Variants in DNM3 observed in about 807,000 individuals in gnomAD.
The protein encoded by DNM3 is dynamin 3.
DNM3 carries 47 observed loss-of-function variants against 101.6 expected under a neutral mutation model. That is an observed-to-expected ratio of 0.46 (90% CI 0.37 to 0.59). The LOEUF (loss-of-function observed/expected upper bound fraction) is 0.59. Among genes scored for constraint, DNM3 ranks in the 20% least tolerant of loss-of-function variants. DNM3 has a pLI of 0.00. For synonymous variants in DNM3, 385 were observed against 387.9 expected, an observed-to-expected ratio of 0.99 and a Z score of 0.09; for missense variants, 849 against 1,085.7, an observed-to-expected ratio of 0.78 and a Z score of 3.06.
At chr1:172,222,190 GT>G (rs2060931999) in intron 14 of DNM3, among the ~76,000 whole-genome samples, 1 of 152,152 alleles carries the variant, frequency 6.6e-6, no homozygotes, top group Non-Finnish European at 1.5e-5. Context: ...AGTGAAACAG[GT>G]GAAAGAAACA....
At chr1:172,252,942 T>G (rs1349430165) in intron 14 of DNM3, among the ~76,000 whole-genome samples, 2 of 152,160 alleles carry the variant, frequency 1.3e-5, no homozygotes, top group Non-Finnish European at 2.9e-5. Flanking sequence ...GCTCAACAAT[T>G]TTATGGAATA....
chr1:172,312,935 C>T (rs1039165537), intron 16 of DNM3, among the ~76,000 whole-genome samples: 7 of 152,140 alleles, frequency 4.6e-5, no homozygotes, highest in Admixed American at 3.9e-4. Flanking sequence ...TTTGTCTGAG[C>T]AGTGGCATCT....
intron 15 of DNM3, among the ~76,000 whole-genome samples, chr1:172,274,064 A>G (rs1027200014): frequency 6.6e-6 from 1 of 152,010 alleles, no homozygotes; most frequent in African/African-American, 2.4e-5. Flanking sequence ...TCCCCTACAC[A>G]CTGTCGTAAA....
intron 14 of DNM3, among the ~76,000 whole-genome samples, chr1:172,203,825 C>G (rs928843708): frequency 6.6e-6 from 1 of 152,058 alleles, no homozygotes; most frequent in Non-Finnish European, 1.5e-5. Flanking sequence ...TGTATAAATT[C>G]TGATGTAAGT....
intron 4 of DNM3, among the ~76,000 whole-genome samples, chr1:172,022,983 A>G (rs2047949574): frequency 6.6e-6 from 1 of 151,916 alleles, no homozygotes; most frequent in African/African-American, 2.4e-5. Context: ...TTCTTCCATG[A>G]TATTGTCTTT....
chr1:172,403,969 T>C (rs547937256), intron 20 of DNM3, among the ~76,000 whole-genome samples: 8 of 152,194 alleles, frequency 5.3e-5, no homozygotes, highest in Non-Finnish European at 1.2e-4. Flanking sequence ...AAATGTTTTC[T>C]GGTGTTGAAG....
intron 14 of DNM3, among the ~76,000 whole-genome samples, chr1:172,199,253 T>C (rs1263226005): frequency 1.3e-5 from 2 of 152,094 alleles, no homozygotes; most frequent in Non-Finnish European, 2.9e-5. Flanking sequence ...TCTATTTTTA[T>C]TGTAGTGTGG....
chr1:172,359,435 A>AT (rs910520662), intron 17 of DNM3, among the ~76,000 whole-genome samples: 3 of 151,558 alleles, frequency 2.0e-5, no homozygotes, highest in Non-Finnish European at 2.9e-5. Flanking sequence ...AATCTTGAAG[A>AT]TTTTTTTTGT....
At chr1:172,339,123 A>G in intron 17 of DNM3, 1 of 455,604 alleles carries the variant, frequency 2.2e-6, no homozygotes, top group Non-Finnish European at 4.3e-6. Flanking sequence ...TCGTATTTTG[A>G]TATGTTAAGT....
chr1:172,056,109 C>T (rs1423458357), intron 10 of DNM3, among the ~76,000 whole-genome samples: 2 of 152,156 alleles, frequency 1.3e-5, no homozygotes, highest in Non-Finnish European at 2.9e-5. Context: ...CGGGTCACTC[C>T]CACCTGAATA....
intron 14 of DNM3, among the ~76,000 whole-genome samples, chr1:172,214,741 G>A (rs999601289): frequency 6.6e-6 from 1 of 151,946 alleles, no homozygotes; most frequent in Non-Finnish European, 1.5e-5. Context: ...TAGAAAGATC[G>A]CTGAAAAAAT....
intron 4 of DNM3, among the ~76,000 whole-genome samples, chr1:171,991,540 C>T (rs1558386168): frequency 1.3e-5 from 2 of 152,298 alleles, no homozygotes; most frequent in South Asian, 4.1e-4. Context: ...TCTCCGGGCA[C>T]ACCATCCTCT....
chr1:171,964,938 A>G (rs956293484), intron 2 of DNM3, among the ~76,000 whole-genome samples: 23 of 151,036 alleles, frequency 1.5e-4, no homozygotes, highest in Admixed American at 2.0e-4. Context: ...GAATGTGTGG[A>G]TTTTCTAACC....
At chr1:172,147,748 C>T (rs898522042) in intron 14 of DNM3, among the ~76,000 whole-genome samples, 1 of 152,038 alleles carries the variant, frequency 6.6e-6, no homozygotes, top group African/African-American at 2.4e-5. Context: ...CAAGTTCAAA[C>T]AATAGAGAGG....
At chr1:172,273,103 A>G (rs188699562) in intron 15 of DNM3, among the ~76,000 whole-genome samples, 27 of 152,238 alleles carry the variant, frequency 1.8e-4, no homozygotes, top group Admixed American at 1.8e-3. Flanking sequence ...ACAATAGGTA[A>G]ATTATATACA....
chr1:172,176,045 A>G (rs1005534068), intron 14 of DNM3, among the ~76,000 whole-genome samples: 1 of 151,798 alleles, frequency 6.6e-6, no homozygotes. Context: ...AGAACCTGTA[A>G]ATATGTTATC....
At chr1:172,093,748 T>G in intron 13 of DNM3, 1 of 1,597,250 alleles carries the variant, frequency 6.3e-7, no homozygotes, top group Non-Finnish European at 8.5e-7. Flanking sequence ...TTCTGTAAGC[T>G]TTACTGTTGC....
chr1:172,280,844 G>A (rs972146960), intron 15 of DNM3, among the ~76,000 whole-genome samples: 14 of 152,144 alleles, frequency 9.2e-5, no homozygotes, highest in Admixed American at 4.6e-4. Context: ...CACAGAGTGA[G>A]AGATGAAAGG....
chr1:172,316,895 G>C (rs1246430349), intron 16 of DNM3, among the ~76,000 whole-genome samples: 1 of 152,112 alleles, frequency 6.6e-6, no homozygotes, highest in African/African-American at 2.4e-5. Flanking sequence ...GGACCTAATA[G>C]ACATCTACAG....
Sources: gnomAD v4.1 joint callset for allele counts (sites outside exome capture counted in the v4.1 genomes callset) on GRCh38, gnomAD v4.1.1 for gene constraint, MANE v1.5 for transcripts, NCBI Gene and HGNC (gene_info 2026-07-23, HGNC 2026-07-21) for gene names.